Variants in FCRL2 observed in about 807,000 individuals in gnomAD.
The protein encoded by FCRL2 is Fc receptor-like protein 2.
A neutral mutation model predicts 59.8 loss-of-function variants in FCRL2; 48 were observed. The ratio of observed to expected loss-of-function variants is 0.80; its 90% CI spans 0.64 to 1.02. The LOEUF (loss-of-function observed/expected upper bound fraction) is 1.02, where lower values mean the gene tolerates loss of function less well. Among genes scored for constraint, FCRL2 ranks in the 50% least tolerant of loss-of-function variants. The pLI, the probability that FCRL2 is intolerant of heterozygous loss-of-function variation, is 0.00. For synonymous variants in FCRL2, 251 were observed against 229.5 expected (o/e 1.09, Z -0.85); for missense variants, 658 against 597.3 (o/e 1.10, Z -1.06).
At chr1:157,758,957 A>G (rs114291728) in intron 7 of FCRL2, among the ~76,000 whole-genome samples, 342 of 152,306 alleles carry the variant, frequency 2.2e-3, no homozygotes, top group African/African-American at 7.3e-3. Context: ...TAAATGTAAA[A>G]CCTAAAACTA....
chr1:157,763,556 T>C (rs1341712230), intron 7 of FCRL2, among the ~76,000 whole-genome samples: 1 of 151,920 alleles, frequency 6.6e-6, no homozygotes, highest in Non-Finnish European at 1.5e-5. Context: ...AAAAGATATA[T>C]TTATAGACTC....
chr1:157,774,688 G>A (rs1177946649), intron 2 of FCRL2, among the ~76,000 whole-genome samples: 1 of 152,184 alleles, frequency 6.6e-6, no homozygotes, highest in Non-Finnish European at 1.5e-5. Flanking sequence ...GTGGAGTGAT[G>A]GGTATCACAG....
intron 10 of FCRL2, among the ~76,000 whole-genome samples, chr1:157,747,180 T>G (rs534375426): frequency 6.6e-6 from 1 of 152,372 alleles, no homozygotes; most frequent in Admixed American, 6.5e-5. Flanking sequence ...TTGACTTCTC[T>G]GTTGCAGCAT....
intron 7 of FCRL2, among the ~76,000 whole-genome samples, chr1:157,750,386 G>T (rs1156977561): frequency 2.0e-5 from 3 of 152,156 alleles, no homozygotes; most frequent in Non-Finnish European, 2.9e-5. Context: ...AATCAGTATC[G>T]CTTGTAACAC....
chr1:157,750,706 C>A (rs1648123123), intron 7 of FCRL2, among the ~76,000 whole-genome samples: 1 of 152,164 alleles, frequency 6.6e-6, no homozygotes, highest in Admixed American at 6.5e-5. Flanking sequence ...AAAGGAATGA[C>A]CTCAGAATTG....
intron 7 of FCRL2, 100 bp from the exon 8 acceptor site, chr1:157,749,777 A>G: frequency 2.5e-6 from 2 of 807,784 alleles, no homozygotes; most frequent in South Asian, 1.9e-5. Flanking sequence ...GTAAGACATA[A>G]GATATAGAAG....
chr1:157,747,608 A>T (rs1647850031), intron 10 of FCRL2, among the ~76,000 whole-genome samples: 1 of 152,232 alleles, frequency 6.6e-6, no homozygotes, highest in Non-Finnish European at 1.5e-5. Flanking sequence ...ACTGACCAGG[A>T]AATCAGCCAA....
chr1:157,749,870 T>C (rs1293293390), intron 7 of FCRL2, among the ~76,000 whole-genome samples, 193 bp from the exon 8 acceptor site: 1 of 152,214 alleles, frequency 6.6e-6, no homozygotes, highest in Non-Finnish European at 1.5e-5. Context: ...CATTCTTTTT[T>C]TCCCACTGAT....
rs1319070962 is a variant in FCRL2, at chr1:157,775,906, TTTTC to T, written c.32-115_32-112del. 7.8e-5 allele frequency: 93 copies of T among 1,191,396 alleles called. No homozygotes were observed. The South Asian group carries it at 1.2e-3, about 16-fold the overall frequency. 73.8% of individuals were successfully genotyped at this position (1,191,396 alleles called of 1,614,324 possible). On this transcript the variant is annotated intron_variant, in intron 1 of 11. Transcript: ENST00000361516. ...AAAACTTCTTTCCATTTTCCCTTTC[TTTTC>T]TATTTCCCTAATCTCTTATTACTAA...
chr1:157,748,480 AGCC>A, intron 10 of FCRL2, 70 bp downstream of exon 10: 1 of 691,248 alleles, frequency 1.4e-6, no homozygotes, highest in Non-Finnish European at 2.3e-6. Context: ...AAATAAATAA[AGCC>A]TCTATTGCAA....
intron 7 of FCRL2, among the ~76,000 whole-genome samples, chr1:157,760,721 A>G (rs1318108933): frequency 1.3e-5 from 2 of 148,974 alleles, no homozygotes; most frequent in African/African-American, 5.0e-5. Context: ...GAAAGAAAGA[A>G]AGAAAGAAAG....
chr1:157,773,414 C>T (rs1478741148), intron 2 of FCRL2, among the ~76,000 whole-genome samples: 1 of 152,166 alleles, frequency 6.6e-6, no homozygotes, highest in Non-Finnish European at 1.5e-5. Context: ...GTCATCATAA[C>T]TGCACTTCAA....
intron 7 of FCRL2, among the ~76,000 whole-genome samples, chr1:157,759,809 G>T (rs973133826): frequency 7.9e-5 from 12 of 152,232 alleles, no homozygotes. Flanking sequence ...TGGTGAGGTT[G>T]CAGAGAAAAG....
At chr1:157,748,497 A>G (rs536097252) in intron 10 of FCRL2, 56 bp downstream of exon 10, 18 of 1,097,744 alleles carry the variant, frequency 1.6e-5, no homozygotes, top group African/African-American at 1.5e-5. Flanking sequence ...ATTGCAAACA[A>G]TGCATCACTT....
rs6698063 is a variant in FCRL2 at position 157,770,224 on chromosome 1, G to A, written c.311-74C>T. Reference sequence around the variant, plus strand: ...CCTGCTGAAAAGCCTCTGGCAAGAAGCAACCCCAGCAAACAGGACATTCAG... The same window carrying A: ...CCTGCTGAAAAGCCTCTGGCAAGAAACAACCCCAGCAAACAGGACATTCAG... On this transcript the variant is annotated intron_variant, in intron 3 of 11. Coordinates refer to ENST00000361516, the MANE Select transcript of FCRL2 (RefSeq NM_030764.4). The A allele has an allele frequency of 6.6e-5, 102 of 1,543,456 alleles. No homozygotes were observed. The African/African-American group carries it at 1.2e-3, about 19-fold the overall frequency.
chr1:157,768,377 G>C (rs888245610), intron 5 of FCRL2, 37 bp downstream of exon 5: 1 of 1,592,386 alleles, frequency 6.3e-7, no homozygotes, highest in Non-Finnish European at 8.6e-7. Flanking sequence ...CCTTGGTCTG[G>C]GAATTTCTGG....
intron 7 of FCRL2, among the ~76,000 whole-genome samples, chr1:157,760,735 GA>G (rs1299385428): frequency 2.1e-5 from 3 of 145,756 alleles, no homozygotes; most frequent in African/African-American, 7.8e-5. Flanking sequence ...AAGAAAGAAA[GA>G]AAGAAAGAAA....
At chr1:157,768,821 T>C (rs1649746396) in intron 4 of FCRL2, 120 bp from the exon 5 acceptor site, 1 of 957,936 alleles carries the variant, frequency 1.0e-6, no homozygotes, top group African/African-American at 1.6e-5. Context: ...TAATCCATTA[T>C]AAGCATTCCT....
At chr1:157,757,522 T>C (rs1237219248) in intron 7 of FCRL2, among the ~76,000 whole-genome samples, 2 of 152,188 alleles carry the variant, frequency 1.3e-5, no homozygotes, top group African/African-American at 4.8e-5. Flanking sequence ...GAATTTGCTC[T>C]TTCTCTCTGC....
Sources: gnomAD v4.1 joint callset for allele counts (sites outside exome capture counted in the v4.1 genomes callset) on GRCh38, gnomAD v4.1.1 for gene constraint, MANE v1.5 for transcripts, NCBI Gene and HGNC (gene_info 2026-07-23, HGNC 2026-07-21) for gene names.